Variants in ERCC6L2 observed in about 807,000 individuals in gnomAD.
ERCC6L2 encodes DNA excision repair protein ERCC-6-like 2.
ERCC6L2 carries 77 observed loss-of-function variants against 132.0 expected under a neutral mutation model. The observed-to-expected ratio is 0.58, with a 90% confidence interval of 0.49 to 0.71. The LOEUF is 0.71. Ranked by LOEUF, ERCC6L2 falls within the 30% of genes least tolerant of loss-of-function variation. The pLI is 0.00. For synonymous variants in ERCC6L2, 583 were observed against 632.4 expected, an observed-to-expected ratio of 0.92 and a Z score of 1.17; for missense variants, 1,542 against 1,837.6, an observed-to-expected ratio of 0.84 and a Z score of 2.94.
Position 95,970,531 on chromosome 9 carries a change from C to A in ERCC6L2, c.2101-45C>A, listed in dbSNP as rs767759379. ...GTTGTTTATCTGGTTGTTGCTACCC[C>A]CTGTGTTGCATAGCTATTTGCATTC... On this transcript the variant is annotated intron_variant, in intron 14 of 18. Coordinates refer to ENST00000653738, the MANE Select transcript of ERCC6L2 (RefSeq NM_020207.7). 2.8e-5 allele frequency: 33 copies of A among 1,185,084 alleles called. No individual in the cohort carries two copies. In the South Asian group the frequency reaches 4.1e-4, roughly 15 times the overall value. 73.4% of individuals were successfully genotyped at this position (1,185,084 alleles called of 1,614,324 possible). A position where few individuals can be genotyped will look rare whatever the true frequency, so the allele number is the denominator to read the frequency against.
chr9:95,958,953 C>CA (rs1233990406), intron 13 of ERCC6L2, among the ~76,000 whole-genome samples: 1 of 150,848 alleles, frequency 6.6e-6, no homozygotes, highest in African/African-American at 2.4e-5. Context: ...CCATACTGCC[C>CA]AAGGTAATTT....
intron 12 of ERCC6L2, among the ~76,000 whole-genome samples, chr9:95,949,333 G>A (rs1367775545): frequency 6.6e-6 from 1 of 152,096 alleles, no homozygotes; most frequent in African/African-American, 2.4e-5. Flanking sequence ...GGGAAAATAT[G>A]GATATACAAA....
Position 95,923,246 on chromosome 9 carries a change from CT to C in ERCC6L2, c.1414-10del. 1 of 1,610,510 alleles carries C rather than the reference CT, an allele frequency of 6.2e-7. No homozygotes were observed. On this transcript the variant is annotated splice_polypyrimidine_tract_variant and intron_variant, in intron 8 of 18. Transcript: ENST00000653738. ...TAAGTGGAAATATCTTTTCTTCTGC[CT>C]TTTCCCTTCAAGGAAACACTTATCA... is the stretch of plus-strand genomic sequence containing the variant.
chr9:96,019,524 C>T (rs1356843300), downstream of ERCC6L2, among the ~76,000 whole-genome samples: 2 of 152,110 alleles, frequency 1.3e-5, no homozygotes, highest in Admixed American at 1.3e-4. Context: ...TCGACAGCTC[C>T]CTCTCTCAGC....
rs1027841717 is a variant in ERCC6L2 at position 95,989,734 on chromosome 9, A to G, written c.3492+11519A>G. 5.3e-5 allele frequency among the ~76,000 whole-genome samples: 8 copies of G among 152,362 alleles called. No individual in the cohort carries two copies. The South Asian group carries it at 6.2e-4, about 12-fold the overall frequency. ...TTAGGATCTTTGGCCTATGTGCAGC[A>G]TTATTGGATGCTTGGTTTGGTATGT... On this transcript the variant is annotated intron_variant, in intron 17 of 18. Coordinates refer to ENST00000653738, the MANE Select transcript of ERCC6L2 (RefSeq NM_020207.7).
Position 95,966,584 on chromosome 9 carries a change from G to T in ERCC6L2, c.1970G>T (p.Gly657Val). The change falls in exon 14 of 19, where the codon GGA (glycine) becomes GTA (valine). Residue 657 changes from glycine to valine, a missense_variant. Coordinates refer to ENST00000653738, the MANE Select transcript of ERCC6L2 (RefSeq NM_020207.7). ...TAGCAACTTCACTGTGTGGTGGTTG[G>T]AAGTGAAAATGCCAAACGATATTTT... is the stretch of plus-strand genomic sequence containing the variant. ...YKQQLHCVVV[G>V]SENAKRYFEA... 1 of 1,514,324 alleles carries T rather than the reference G, an allele frequency of 6.6e-7. No homozygotes were observed. Among genetic ancestry groups the T allele is most frequent in the Non-Finnish European group, 9.0e-7 (1 of 1,113,838 alleles). 93.8% of individuals were successfully genotyped at this position (1,514,324 alleles called of 1,614,324 possible).
chr9:95,891,525 A>G (rs1828163603), intron 2 of ERCC6L2, among the ~76,000 whole-genome samples: 1 of 150,926 alleles, frequency 6.6e-6, no homozygotes, highest in Admixed American at 6.6e-5. Context: ...GAACATTTGT[A>G]TGCAAACATT....
chr9:95,972,778 C>CA lies in ERCC6L2; in HGVS notation c.3033dup (p.Glu1012ArgfsTer20). On this transcript the variant is annotated frameshift_variant, in exon 16 of 19. Transcript: ENST00000653738. LOFTEE classifies it high-confidence loss of function. ...TGAGGTTTAAGAGAATAAAAGAAAC[C>CA]AAAAAAGAACTTCACAATTCTCCCA... 1 of 1,303,350 alleles carries CA rather than the reference C, an allele frequency of 7.7e-7. No homozygotes were observed. The highest frequency in any genetic ancestry group is 1.0e-6 in the Non-Finnish European group (1 of 988,718). The allele number at this position is 1,303,350 out of a possible 1,614,324, so 80.7% of individuals were successfully genotyped here. A position where few individuals can be genotyped will look rare whatever the true frequency, so the allele number is the denominator to read the frequency against.
chr9:95,936,682 C>T (rs769789164), intron 11 of ERCC6L2, among the ~76,000 whole-genome samples: 10 of 152,196 alleles, frequency 6.6e-5, no homozygotes, highest in Non-Finnish European at 1.5e-4. Context: ...TACATTATCA[C>T]AACCAGGATA....
intron 3 of ERCC6L2, chr9:95,906,508 A>G: frequency 2.8e-6 from 1 of 363,402 alleles, no homozygotes; most frequent in South Asian, 2.1e-5. Context: ...ATATATGGAA[A>G]TGAATATAGA....
intron 11 of ERCC6L2, 137 bp from the exon 12 acceptor site, chr9:95,941,317 T>C: frequency 1.8e-6 from 1 of 557,084 alleles, no homozygotes; most frequent in South Asian, 2.7e-5. Context: ...TATTTGTATT[T>C]TAATCACCAC....
Position 95,900,207 on chromosome 9 carries a change from C to G in ERCC6L2, c.594+2236C>G, listed in dbSNP as rs138912893. Among the ~76,000 whole-genome samples, 789 of 152,064 alleles carry G rather than the reference C, an allele frequency of 5.2e-3. 12 individuals are homozygous for G. Among genetic ancestry groups the G allele is most frequent in the African/African-American group, 0.017 (705 of 41,476 alleles). ...CCGGCCTGCGCACCATAAGAATACC[C>G]TGTCTTTACAGAAAATAAAAAAATA... On this transcript the variant is annotated intron_variant, in intron 3 of 18. Coordinates refer to ENST00000653738, the MANE Select transcript of ERCC6L2 (RefSeq NM_020207.7).
chr9:95,979,723 C>T lies in ERCC6L2; in HGVS notation c.3492+1508C>T, dbSNP rs147793737. On this transcript the variant is annotated intron_variant, in intron 17 of 18. Coordinates refer to ENST00000653738, the MANE Select transcript of ERCC6L2 (RefSeq NM_020207.7). ...CTTCTCATTTGATCCAGGAATATACCATCTCTCAACCAACACTTTAAACAG... is the reference window on the plus strand; with the variant it reads ...CTTCTCATTTGATCCAGGAATATACTATCTCTCAACCAACACTTTAAACAG... Among the ~76,000 whole-genome samples, 340 of 152,228 alleles carry T rather than the reference C, an allele frequency of 2.2e-3. 11 individuals carry two copies. The East Asian group carries it at 0.05, about 22-fold the overall frequency.
chr9:96,040,420 G>A (rs1004904194), intron 20 of ERCC6L2, among the ~76,000 whole-genome samples: 9 of 152,160 alleles, frequency 5.9e-5, no homozygotes, highest in South Asian at 4.1e-4. Flanking sequence ...ACGGTTCCTC[G>A]TGTGAACCAA....
At chr9:95,987,866 A>C (rs187491381) in intron 17 of ERCC6L2, among the ~76,000 whole-genome samples, 1 of 152,322 alleles carries the variant, frequency 6.6e-6, no homozygotes, top group East Asian at 1.9e-4. Context: ...CTGGACATCC[A>C]AGGGTTTCCA....
chr9:95,961,918 A>C (rs1295322798), intron 13 of ERCC6L2, among the ~76,000 whole-genome samples: 2 of 152,088 alleles, frequency 1.3e-5, no homozygotes, highest in South Asian at 4.1e-4. Flanking sequence ...AAACCATCAG[A>C]TCTCGTGAGA....
Position 95,891,002 on chromosome 9 carries a change from C to T in ERCC6L2, c.472-6847C>T, listed in dbSNP as rs182648038. ...CTAAGGTGGGCAGATCACCAGTGGT[C>T]GGGAGTTCAAGACCAGACTGACCAA... On this transcript the variant is annotated intron_variant, in intron 2 of 18. Coordinates refer to ENST00000653738, the MANE Select transcript of ERCC6L2 (RefSeq NM_020207.7). Among the ~76,000 whole-genome samples, 85 of 152,266 alleles carry T rather than the reference C, an allele frequency of 5.6e-4. 3 individuals carry two copies. Among genetic ancestry groups the T allele is most frequent in the Admixed American group, 3.7e-3 (56 of 15,296 alleles).
At position 96,015,250 on chromosome 9, in the gene ERCC6L2, G is replaced by T. The variant is rs139634290; in HGVS notation, c.*2047G>T. Among the ~76,000 whole-genome samples the T allele has an allele frequency of 6.7e-6, 1 of 150,014 alleles. No homozygotes were observed. Among genetic ancestry groups the T allele is most frequent in the African/African-American group, 2.5e-5 (1 of 40,734 alleles). ...TCGCCAGGCTGGAGTGCAGTGGCTC[G>T]ATCTTGGCTCACTGCAGCCTCCGCC... is the stretch of plus-strand genomic sequence containing the variant. On this transcript the variant is annotated 3_prime_UTR_variant, in exon 19 of 19. Coordinates refer to ENST00000653738, the MANE Select transcript of ERCC6L2 (RefSeq NM_020207.7).
At chr9:95,927,613 T>G (rs562374772) in intron 9 of ERCC6L2, among the ~76,000 whole-genome samples, 1 of 152,284 alleles carries the variant, frequency 6.6e-6, no homozygotes, top group East Asian at 1.9e-4. Context: ...TGACTGATTA[T>G]TCTAAGAAAA....
Sources: allele counts gnomAD v4.1 joint callset (sites outside exome capture counted in the v4.1 genomes callset), GRCh38; gene constraint gnomAD v4.1.1; transcripts MANE v1.5; gene names NCBI Gene and HGNC (gene_info 2026-07-23, HGNC 2026-07-21).